The following KRT86 variants were observed in gnomAD, a reference collection of about 807,000 sequenced individuals.
The protein encoded by KRT86 is keratin 86.
In KRT86, 30 loss-of-function variants were observed where a neutral mutation model predicts 41.2. The ratio of observed to expected loss-of-function variants is 0.73; its 90% CI spans 0.54 to 0.99. The LOEUF is 0.99. Ranked by LOEUF, KRT86 falls within the 50% of genes least tolerant of loss-of-function variation. The pLI, the probability that KRT86 is intolerant of heterozygous loss-of-function variation, is 0.00. For synonymous variants in KRT86, 238 were observed against 238.1 expected, an observed-to-expected ratio of 1.00 and a Z score of 0.00; for missense variants, 561 against 571.4, an observed-to-expected ratio of 0.98 and a Z score of 0.19.
At chr12:52,305,111 G>A in intron 6 of KRT86, 84 bp downstream of exon 6, 1 of 1,606,240 alleles carries the variant, frequency 6.2e-7, no homozygotes. Context: ...GATGTGGGTA[G>A]AGGTTGCAGT....
chr12:52,286,441 G>A (rs1411927610), intron 2 of KRT86: 1 of 1,552,878 alleles, frequency 6.4e-7, no homozygotes, highest in Non-Finnish European at 8.7e-7. Context: ...CTGGCCGGGA[G>A]CCTGACACGC....
At chr12:52,287,731 G>A in intron 2 of KRT86, 2 of 1,614,056 alleles carry the variant, frequency 1.2e-6, no homozygotes, top group Non-Finnish European at 1.7e-6. Context: ...ACTGGGGGAA[G>A]TAGAGATGCT....
rs73309343 is a variant in KRT86 at position 52,296,682 on chromosome 12, C to T, written c.-4-5231C>T. On this transcript the variant is annotated intron_variant, in intron 2 of 10. Transcript: ENST00000423955. ...ACTTGGGCTCTCCCCAATCACCCAC[C>T]CAACTGGCCTGAGGTCAATTCCATT... Among the ~76,000 whole-genome samples the T allele has an allele frequency of 6.9e-3, 1,057 of 152,336 alleles. 8 individuals carry two copies. The highest frequency in any genetic ancestry group is 0.023 in the African/African-American group (975 of 41,576).
chr12:52,276,087 AG>A, intron 2 of KRT86, 141 bp downstream of exon 2: 1 of 843,126 alleles, frequency 1.2e-6, no homozygotes, highest in Non-Finnish European at 1.4e-6. Context: ...ACAGCAGTGC[AG>A]CTGCATGCAT....
chr12:52,287,447 C>A, intron 2 of KRT86: 4 of 1,571,706 alleles, frequency 2.5e-6, no homozygotes, highest in Non-Finnish European at 3.5e-6. Context: ...CCTTTATCAC[C>A]TGGGACTCAT....
At position 52,308,259 on chromosome 12, in the gene KRT86, A is replaced by G. The variant is rs941500682; in HGVS notation, c.1274A>G (p.Asn425Ser). The change falls in exon 10 of 11, where the codon AAT becomes AGT. Residue 425 changes from asparagine (N) to serine (S), a missense_variant. This residue lies in a region of KRT86 where 397 missense variants were observed against 375.9 expected (regional missense o/e 1.06). Coordinates refer to ENST00000423955, the MANE Select transcript of KRT86 (RefSeq NM_001320198.2). ...QRLCEGVGSV[N>S]VCVSSSRGGV... ...CTGTGCGAGGGCGTCGGCTCGGTGAATGTCTGTAAGTAGTGGGGTCCGTCC... is the reference window on the plus strand; with the variant it reads ...CTGTGCGAGGGCGTCGGCTCGGTGAGTGTCTGTAAGTAGTGGGGTCCGTCC... 6.2e-7 allele frequency: 1 copy of G among 1,614,118 alleles called. No individual in the cohort carries two copies. Among genetic ancestry groups the G allele is most frequent in the Admixed American group, 1.7e-5 (1 of 60,024 alleles).
chr12:52,305,048 C>A, intron 6 of KRT86, 21 bp downstream of exon 6: 4 of 1,613,266 alleles, frequency 2.5e-6, no homozygotes, highest in Non-Finnish European at 3.4e-6. Flanking sequence ...AGGGGCCAGG[C>A]AGAGACCTGG....
chr12:52,291,517 C>T lies in KRT86; in HGVS notation c.-4-10396C>T, dbSNP rs750743058. On this transcript the variant is annotated intron_variant, in intron 2 of 10. Coordinates refer to ENST00000423955, the MANE Select transcript of KRT86 (RefSeq NM_001320198.2). ...AGGACAGGATAGGGGACCTGGAGTC[C>T]TGATGGAAACTCCAATGTGCTCCTC... The T allele has an allele frequency of 1.7e-5, 27 of 1,604,490 alleles. No individual in the cohort carries two copies. In the East Asian group the frequency reaches 6.1e-4, roughly 36 times the overall value.
intron 2 of KRT86, among the ~76,000 whole-genome samples, chr12:52,293,055 A>G (rs1213941891): frequency 6.6e-6 from 1 of 152,160 alleles, no homozygotes; most frequent in Admixed American, 6.5e-5. Context: ...ATGGGAGGCT[A>G]AGGCAGGAGA....
At chr12:52,287,690 T>A in intron 2 of KRT86, 1 of 1,613,960 alleles carries the variant, frequency 6.2e-7, no homozygotes, top group Non-Finnish European at 8.5e-7. Context: ...GGTCTCCCCG[T>A]GCCTGATCAC....
chr12:52,286,065 C>T (rs1937918173), intron 2 of KRT86: 3 of 624,022 alleles, frequency 4.8e-6, no homozygotes, highest in Non-Finnish European at 5.7e-6. Flanking sequence ...TCTAGGGTGG[C>T]CTTTCCCACT....
At chr12:52,280,054 C>T (rs1284949288) in intron 2 of KRT86, among the ~76,000 whole-genome samples, 4 of 152,082 alleles carry the variant, frequency 2.6e-5, no homozygotes, top group Non-Finnish European at 5.9e-5. Context: ...GACAGGTGGC[C>T]CTTGCAGATG....
Position 52,308,597 on chromosome 12 carries a change from C to A in KRT86, c.*12C>A, listed in dbSNP as rs761704739. 6 of 1,593,232 alleles carry A rather than the reference C, an allele frequency of 3.8e-6. No individual in the cohort carries two copies. The highest frequency in any genetic ancestry group is 3.4e-5 in the Admixed American group (2 of 59,494). On this transcript the variant is annotated 3_prime_UTR_variant, in exon 11 of 11. Transcript: ENST00000423955. ...GTAAGAGGTGCTAGGAGGCTGCCGC[C>A]TCCGCCAGCGCCTGTCGCCGTCACT...
intron 2 of KRT86, among the ~76,000 whole-genome samples, chr12:52,285,020 TGC>T (rs1262019795): frequency 6.6e-6 from 1 of 152,250 alleles, no homozygotes; most frequent in Non-Finnish European, 1.5e-5. Flanking sequence ...CTTTACATTC[TGC>T]AAAAGAATAA....
intron 2 of KRT86, among the ~76,000 whole-genome samples, chr12:52,299,225 T>C (rs542078464): frequency 6.6e-6 from 1 of 152,358 alleles, no homozygotes; most frequent in South Asian, 2.1e-4. Context: ...CCTCAATTAT[T>C]TTCCCTAACA....
chr12:52,283,470 ATTTTT>A (rs200241229), intron 2 of KRT86, among the ~76,000 whole-genome samples: 4 of 65,364 alleles, frequency 6.1e-5, no homozygotes, highest in African/African-American at 2.9e-4. Context: ...TAATCCAAGC[ATTTTT>A]TTTTTTTTTT....
At chr12:52,277,654 G>C (rs10783506) in intron 2 of KRT86, 37,874 of 152,552 alleles carry the variant, frequency 0.25, 5,756 homozygotes, top group East Asian at 0.4. Flanking sequence ...TGAGTACTGA[G>C]AGCTGTGATC....
intron 2 of KRT86, chr12:52,291,642 G>C: frequency 1.1e-6 from 1 of 895,262 alleles, no homozygotes; most frequent in Admixed American, 2.5e-5. Context: ...TGGTTAGCCG[G>C]GTCTAACGCC....
At chr12:52,308,104 G>T in intron 9 of KRT86, 129 bp from the exon 10 acceptor site, 2 of 1,243,970 alleles carry the variant, frequency 1.6e-6, no homozygotes, top group East Asian at 2.4e-5. Context: ...GCTCCTGGCC[G>T]AGAGCATTTC....
Sources: gnomAD v4.1 joint callset for allele counts (sites outside exome capture counted in the v4.1 genomes callset) on GRCh38, gnomAD v4.1.1 for gene constraint, gnomAD v4.1.1 regional missense constraint, MANE v1.5 for transcripts, NCBI Gene and HGNC (gene_info 2026-07-23, HGNC 2026-07-21) for gene names.